Variants in TRANK1 observed in about 807,000 individuals in gnomAD.
TRANK1 encodes the protein TPR and ankyrin repeat-containing protein 1.
In TRANK1, 198 loss-of-function variants were observed where a neutral mutation model predicts 266.0. That is an observed-to-expected ratio of 0.74 (90% CI 0.66 to 0.84). TRANK1 has a LOEUF of 0.84. Ranked by LOEUF, TRANK1 falls within the 40% of genes least tolerant of loss-of-function variation. TRANK1 has a pLI of 0.00. For synonymous variants in TRANK1, 1,396 were observed against 1,384.1 expected, an observed-to-expected ratio of 1.01 and a Z score of -0.19; for missense variants, 3,326 against 3,634.6, an observed-to-expected ratio of 0.92 and a Z score of 2.18.
chr3:36,905,180 C>T (rs993186911), intron 2 of TRANK1, among the ~76,000 whole-genome samples: 1 of 151,218 alleles, frequency 6.6e-6, no homozygotes, highest in African/African-American at 2.4e-5. Flanking sequence ...CCCAGCTACT[C>T]GGGAGGCTGA....
rs1180042549 is a variant in TRANK1 at position 36,918,606 on chromosome 3, G to GGAAAGAAAGAAA, written c.24-10164_24-10153dup. 3.4e-3 allele frequency among the ~76,000 whole-genome samples: 76 copies of GGAAAGAAAGAAA among 22,132 alleles called. 9 individuals are homozygous for GGAAAGAAAGAAA. The highest frequency in any genetic ancestry group is 0.019 in the Middle Eastern group (1 of 52). The allele number at this position is 22,132 out of a possible 152,430, so 14.5% of individuals were successfully genotyped here. A position where few individuals can be genotyped will look rare whatever the true frequency, so the allele number is the denominator to read the frequency against. ...AGGAAGGAAGGAAGGAAGGAAGGAA[G>GGAAAGAAAGAAA]GAAAGAAAGAAAGAAAGAAAGAAAG... On this transcript the variant is annotated intron_variant, in intron 1 of 23. Transcript: ENST00000645898.
chr3:36,852,411 G>A, intron 13 of TRANK1, 66 bp from the exon 14 acceptor site: 1 of 1,415,040 alleles, frequency 7.1e-7, no homozygotes, highest in East Asian at 2.5e-5. Context: ...GGTTATTTGG[G>A]GTGGGGGACA....
At chr3:36,927,282 G>A (rs1000871892) in intron 1 of TRANK1, among the ~76,000 whole-genome samples, 5 of 152,176 alleles carry the variant, frequency 3.3e-5, no homozygotes, top group Admixed American at 6.5e-5. Flanking sequence ...ATTTGTCATC[G>A]CTGCTCTGTC....
At chr3:36,829,746 A>G (rs1186317924) in intron 22 of TRANK1, 84 bp from the exon 23 acceptor site, 1 of 1,407,338 alleles carries the variant, frequency 7.1e-7, no homozygotes. Flanking sequence ...GAGTCCCCAC[A>G]TCCCAAGAGC....
Position 36,831,195 on chromosome 3 carries a change from C to T in TRANK1, c.8388G>A (p.Glu2796=). Residue 2796 remains glutamate, a synonymous_variant, in exon 22 of 24, where the codon GAG becomes GAA. Transcript: ENST00000645898. This position sits in a 1 kb window ranked among gnomAD's most constrained non-coding sequence, Gnocchi z 5.0. ...GCTCAGCCCTGGAAAGGACTGCCAC[C>T]TCGGAAGCTGCCCCCTCAAACGCTT... ...PSKAFEGAAS[E]VAVLSRAELE... is the part of the protein sequence containing the mutation. The T allele has an allele frequency of 6.2e-7, 1 of 1,613,988 alleles. No individual in the cohort carries two copies. Among genetic ancestry groups the T allele is most frequent in the Non-Finnish European group, 8.5e-7 (1 of 1,179,892 alleles).
chr3:36,913,294 G>A (rs940615125), intron 1 of TRANK1, among the ~76,000 whole-genome samples: 7 of 151,840 alleles, frequency 4.6e-5, no homozygotes, highest in Non-Finnish European at 8.8e-5. Context: ...CAAGTGATCC[G>A]GCCGCCTCGT....
chr3:36,931,157 A>G (rs1043078844), intron 1 of TRANK1, among the ~76,000 whole-genome samples: 1 of 152,142 alleles, frequency 6.6e-6, no homozygotes, highest in African/African-American at 2.4e-5. Context: ...ATTATTCACT[A>G]TCATGTTGCT....
At chr3:36,895,059 T>G (rs943662859) in intron 5 of TRANK1, among the ~76,000 whole-genome samples, 2 of 152,210 alleles carry the variant, frequency 1.3e-5, no homozygotes, top group African/African-American at 2.4e-5. Context: ...ATAATGCAAC[T>G]TACAAATGAG....
chr3:36,853,938 A>T (rs2079016580), intron 13 of TRANK1, among the ~76,000 whole-genome samples: 1 of 152,224 alleles, frequency 6.6e-6, no homozygotes. Flanking sequence ...CTAGAATTAG[A>T]TGATGGTGAT....
Position 36,918,491 on chromosome 3 carries a change from G to A in TRANK1, c.24-10037C>T, listed in dbSNP as rs1409967998. On this transcript the variant is annotated intron_variant, in intron 1 of 23. Coordinates refer to ENST00000645898, the MANE Select transcript of TRANK1 (RefSeq NM_001329998.2). Reference sequence around the variant, plus strand: ...AAGAAGAAAGAAAGAAAGAAAGAAAGAAAGAAAGAAAGAAAGAAAGAAAGA... The same window carrying A: ...AAGAAGAAAGAAAGAAAGAAAGAAAAAAAGAAAGAAAGAAAGAAAGAAAGA... Among the ~76,000 whole-genome samples the A allele has an allele frequency of 1.8e-4, 3 of 16,414 alleles. No individual in the cohort carries two copies. The East Asian group carries it at 4.7e-3, about 26-fold the overall frequency. The allele number at this position is 16,414 out of a possible 152,430, so 10.8% of individuals were successfully genotyped here.
intron 9 of TRANK1, among the ~76,000 whole-genome samples, chr3:36,868,007 G>C (rs2079251868): frequency 6.6e-6 from 1 of 152,234 alleles, no homozygotes; most frequent in Non-Finnish European, 1.5e-5. Flanking sequence ...CCCAGTCTGA[G>C]TGAGTGCGGA....
At chr3:36,829,518 C>T (rs1464643461) in intron 23 of TRANK1, 46 bp downstream of exon 23, 48 of 1,598,030 alleles carry the variant, frequency 3.0e-5, no homozygotes, top group Non-Finnish European at 4.0e-5. Context: ...TAATAAGAAC[C>T]ACAGGACCCA....
chr3:36,832,603 G>A lies in TRANK1; in HGVS notation c.6980C>T (p.Thr2327Ile). 2 of 1,614,030 alleles carry A rather than the reference G, an allele frequency of 1.2e-6. No individual in the cohort carries two copies. The highest frequency in any genetic ancestry group is 1.7e-6 in the Non-Finnish European group (2 of 1,179,900). ...NESARNRRES[T>I]DLWLSAMQAF... ...TTGCATGGCACTCAGCCACAGGTCT[G>A]TGGATTCCCGGCGGTTGCGTGCGCT... The change falls in exon 22 of 24, where the codon ACA (threonine) becomes ATA (isoleucine). Residue 2327 changes from threonine (T) to isoleucine (I), a missense_variant. Thr to Ile is a moderately conservative substitution (Grantham distance 89). Coordinates refer to ENST00000645898, the MANE Select transcript of TRANK1 (RefSeq NM_001329998.2).
In TRANK1 at chr3:36,857,196, C is replaced by G; in HGVS notation, c.2526G>C (p.Met842Ile). The G allele has an allele frequency of 3.7e-6, 6 of 1,613,962 alleles. No individual in the cohort carries two copies. The highest frequency in any genetic ancestry group is 4.2e-6 in the Non-Finnish European group (5 of 1,179,886). ...MTWEIECTSEMLKKLSSKVMT... is the reference protein window; with the variant it reads ...MTWEIECTSEILKKLSSKVMT... ...TTACCTTACTAGACAGCTTCTTCAGCATTTCTGAAGTGCACTCGATCTCCC... is the reference window on the plus strand; with the variant it reads ...TTACCTTACTAGACAGCTTCTTCAGGATTTCTGAAGTGCACTCGATCTCCC... The change falls in exon 13 of 24, where the codon ATG becomes ATC. Residue 842 changes from methionine (M) to isoleucine (I), a missense_variant. Transcript: ENST00000645898. The surrounding 1 kb of genome is among the most constrained non-coding windows in gnomAD (Gnocchi z 4.3).
intron 20 of TRANK1, among the ~76,000 whole-genome samples, chr3:36,835,314 G>T (rs1488423409): frequency 6.4e-5 from 4 of 62,020 alleles, no homozygotes; most frequent in East Asian, 5.0e-4. Context: ...GCGAGACTCC[G>T]TCTCAAAAAA....
chr3:36,858,660 A>G, intron 12 of TRANK1, 58 bp downstream of exon 12: 1 of 1,413,316 alleles, frequency 7.1e-7, no homozygotes, highest in Non-Finnish European at 9.2e-7. Context: ...ACATAGCATC[A>G]GTTCTAATAT....
At position 36,900,851 on chromosome 3, in the gene TRANK1, C is replaced by CAAAAA. The variant is rs138198488; in HGVS notation, c.283-1597_283-1593dup. The stretch of plus-strand genomic sequence containing the variant: ...TGGGTGACAAAGCAAGACCCTGTCT[C>CAAAAA]AAAAAAAAAAAAAAAAAAAAAAAAA... On this transcript the variant is annotated intron_variant, in intron 3 of 23. Transcript: ENST00000645898. Among the ~76,000 whole-genome samples the CAAAAA allele has an allele frequency of 7.9e-4, 50 of 63,014 alleles. 8 individuals carry two copies. The highest frequency in any genetic ancestry group is 3.8e-3 in the South Asian group (6 of 1,592). The allele number at this position is 63,014 out of a possible 152,430, so 41.3% of individuals were successfully genotyped here.
At chr3:36,916,673 T>C (rs949009873) in intron 1 of TRANK1, among the ~76,000 whole-genome samples, 2 of 151,944 alleles carry the variant, frequency 1.3e-5, no homozygotes, top group African/African-American at 4.8e-5. Context: ...CCAATAAGAG[T>C]TCCTGATGAA....
intron 4 of TRANK1, among the ~76,000 whole-genome samples, chr3:36,897,974 C>T (rs564123349): frequency 2.0e-5 from 3 of 152,336 alleles, no homozygotes; most frequent in Admixed American, 6.5e-5. Flanking sequence ...GACACAAAAG[C>T]TTCCCCTCCC....
Sources: gnomAD v4.1 joint callset for allele counts (sites outside exome capture counted in the v4.1 genomes callset) on GRCh38, gnomAD v4.1.1 for gene constraint, Gnocchi (gnomAD v3.1) non-coding constraint, MANE v1.5 for transcripts, NCBI Gene and HGNC (gene_info 2026-07-23, HGNC 2026-07-21) for gene names.